Variants in ANGPT1 observed in about 807,000 individuals in gnomAD.
The protein encoded by ANGPT1 is angiopoietin 1.
In ANGPT1, 17 loss-of-function variants were observed where a neutral mutation model predicts 62.2. The observed-to-expected ratio is 0.27, with a 90% CI of 0.19 to 0.41. ANGPT1 has a LOEUF of 0.41. ANGPT1 is among the 10% of genes least tolerant of loss of function. The probability of loss-of-function intolerance (pLI) is 1.00; values close to 1 mark genes in which losing one functional copy is unlikely to be tolerated. For synonymous variants in ANGPT1, 199 were observed against 198.9 expected (o/e 1.00, Z 0.00); for missense variants, 478 against 594.9 (o/e 0.80, Z 2.04).
At chr8:107,319,810 G>A (rs1815108492) in intron 4 of ANGPT1, among the ~76,000 whole-genome samples, 1 of 151,860 alleles carries the variant, frequency 6.6e-6, no homozygotes, top group Admixed American at 6.6e-5. Flanking sequence ...TGTCTCTTAT[G>A]AGTTCTAAAA....
intron 1 of ANGPT1, among the ~76,000 whole-genome samples, chr8:107,415,873 A>G (rs539265089): frequency 2.9e-4 from 44 of 152,206 alleles, no homozygotes; most frequent in Non-Finnish European, 1.9e-4. Context: ...CAAAGTAATT[A>G]TAACGGAGCT....
chr8:107,429,748 T>C (rs1005732575), intron 1 of ANGPT1, among the ~76,000 whole-genome samples: 2 of 151,980 alleles, frequency 1.3e-5, no homozygotes, highest in East Asian at 3.9e-4. Context: ...TCCTGGAGTG[T>C]GGTCAAAGGA....
intron 1 of ANGPT1, among the ~76,000 whole-genome samples, chr8:107,389,240 C>T (rs1240697720): frequency 6.6e-6 from 1 of 152,136 alleles, no homozygotes; most frequent in East Asian, 1.9e-4. Flanking sequence ...ATGAGGACAA[C>T]ATGTTTTCTT....
At chr8:107,458,934 G>A (rs774976426) in intron 1 of ANGPT1, among the ~76,000 whole-genome samples, 1 of 152,062 alleles carries the variant, frequency 6.6e-6, no homozygotes, top group Non-Finnish European at 1.5e-5. Flanking sequence ...AAATCACATA[G>A]CAAGTGTCAC....
intron 4 of ANGPT1, among the ~76,000 whole-genome samples, chr8:107,303,745 T>C (rs1038704676): frequency 1.3e-5 from 2 of 151,798 alleles, no homozygotes; most frequent in African/African-American, 4.8e-5. Flanking sequence ...CTTACCTACA[T>C]TTCACAGGAA....
intron 6 of ANGPT1, 88 bp downstream of exon 6, chr8:107,293,848 C>A: frequency 9.8e-7 from 1 of 1,015,424 alleles, no homozygotes; most frequent in Non-Finnish European, 1.4e-6. Context: ...CTCAAAACCA[C>A]CTAAAAATAC....
intron 8 of ANGPT1, among the ~76,000 whole-genome samples, chr8:107,253,208 GC>G (rs752887394): frequency 6.6e-6 from 1 of 152,178 alleles, no homozygotes; most frequent in Non-Finnish European, 1.5e-5. Flanking sequence ...TATATTCCGT[GC>G]AGTTTTATCA....
intron 2 of ANGPT1, among the ~76,000 whole-genome samples, chr8:107,340,856 T>C (rs1815682019): frequency 6.6e-6 from 1 of 152,118 alleles, no homozygotes. Context: ...TTATGTTTCC[T>C]TTTGCTTTAT....
intron 1 of ANGPT1, among the ~76,000 whole-genome samples, chr8:107,493,317 T>A (rs1332586845): frequency 6.6e-6 from 1 of 150,556 alleles, no homozygotes; most frequent in Non-Finnish European, 1.5e-5. Context: ...GTCAATGTAC[T>A]GTGATGACAT....
At chr8:107,319,346 T>G (rs982205511) in intron 4 of ANGPT1, among the ~76,000 whole-genome samples, 3 of 151,984 alleles carry the variant, frequency 2.0e-5, no homozygotes, top group Admixed American at 6.5e-5. Flanking sequence ...GTGGGTCAGA[T>G]TGAAACCAGA....
intron 4 of ANGPT1, among the ~76,000 whole-genome samples, chr8:107,306,949 A>G (rs1256079649): frequency 6.6e-6 from 1 of 152,054 alleles, no homozygotes; most frequent in Non-Finnish European, 1.5e-5. Flanking sequence ...AGCATCACCG[A>G]ACAGATGTCA....
At chr8:107,356,778 A>G (rs1202639018) in intron 1 of ANGPT1, among the ~76,000 whole-genome samples, 1 of 152,222 alleles carries the variant, frequency 6.6e-6, no homozygotes, top group African/African-American at 2.4e-5. Context: ...TAAATCAGTC[A>G]GAAGCAACAG....
chr8:107,392,782 T>C (rs1178321763), intron 1 of ANGPT1, among the ~76,000 whole-genome samples: 1 of 152,224 alleles, frequency 6.6e-6, no homozygotes, highest in South Asian at 2.1e-4. Flanking sequence ...TCATATGTGG[T>C]ATAATGTAAT....
chr8:107,343,887 C>A (rs1563578229), intron 2 of ANGPT1, among the ~76,000 whole-genome samples: 1 of 152,012 alleles, frequency 6.6e-6, no homozygotes. Flanking sequence ...CATAGCAAGA[C>A]CTGGTCTCTA....
intron 1 of ANGPT1, among the ~76,000 whole-genome samples, chr8:107,429,648 GA>G (rs34291237): frequency 0.37 from 44,286 of 118,420 alleles, 7,774 homozygotes; most frequent in East Asian, 0.58. Context: ...GCTCCAGGAG[GA>G]AAAAAAAAAA....
At chr8:107,463,770 G>T (rs1367247055) in intron 1 of ANGPT1, among the ~76,000 whole-genome samples, 4 of 151,932 alleles carry the variant, frequency 2.6e-5, no homozygotes, top group Admixed American at 6.6e-5. Context: ...AAAAGTAAAA[G>T]TTCCCTAGAA....
intron 1 of ANGPT1, among the ~76,000 whole-genome samples, chr8:107,382,648 A>C (rs772837700): frequency 6.6e-6 from 1 of 152,110 alleles, no homozygotes; most frequent in South Asian, 2.1e-4. Flanking sequence ...GCTGGGAAAA[A>C]AAAATGTGCA....
intron 1 of ANGPT1, among the ~76,000 whole-genome samples, chr8:107,467,349 AG>A (rs908614848): frequency 1.5e-4 from 23 of 151,980 alleles, no homozygotes; most frequent in African/African-American, 5.3e-4. Flanking sequence ...GTTGGAAAAG[AG>A]GCTCAAGATT....
intron 4 of ANGPT1, among the ~76,000 whole-genome samples, chr8:107,309,911 T>A (rs1814809516): frequency 6.6e-6 from 1 of 152,162 alleles, no homozygotes; most frequent in Non-Finnish European, 1.5e-5. Flanking sequence ...TAATTTGAAG[T>A]CTTTGATTAA....
Sources: gnomAD v4.1 joint callset for allele counts (sites outside exome capture counted in the v4.1 genomes callset) on GRCh38, gnomAD v4.1.1 for gene constraint, MANE v1.5 for transcripts, NCBI Gene and HGNC (gene_info 2026-07-23, HGNC 2026-07-21) for gene names.